Variants in MTUS1 observed in about 807,000 individuals in gnomAD.
MTUS1 encodes microtubule-associated tumor suppressor 1.
Under a neutral mutation model 120.8 loss-of-function variants are expected in MTUS1, and 109 were observed. The ratio of observed to expected loss-of-function variants is 0.90; its 90% confidence interval spans 0.77 to 1.06. The LOEUF (loss-of-function observed/expected upper bound fraction) is 1.06, where lower values mean the gene tolerates loss of function less well. Ranked by LOEUF, MTUS1 falls within the 50% of genes least tolerant of loss-of-function variation. MTUS1 has a pLI of 0.00. For missense variants in MTUS1, 2,210 were observed against 1,486.3 expected, an observed-to-expected ratio of 1.49 and a Z score of -8.01; for synonymous variants, 737 against 550.5, an observed-to-expected ratio of 1.34 and a Z score of -4.74.
At position 17,721,508 on chromosome 8, in the gene MTUS1, G is replaced by C. The variant is rs443360; in HGVS notation, c.2449+2164C>G. ...ACGATGCTGCTGAATTATATTAAGA[G>C]TGCAAAACACATAAAAGAGACAACA... is the stretch of plus-strand genomic sequence containing the variant. On this transcript the variant is annotated intron_variant, in intron 4 of 14. Coordinates refer to ENST00000693296, the MANE Select transcript of MTUS1 (RefSeq NM_001363059.2). Among the ~76,000 whole-genome samples the C allele has an allele frequency of 1.2e-3, 179 of 152,202 alleles. 1 individual carries two copies. The highest frequency in any genetic ancestry group is 4.1e-3 in the African/African-American group (169 of 41,516).
chr8:17,758,519 T>C (rs548672594), intron 1 of MTUS1, among the ~76,000 whole-genome samples: 52 of 152,358 alleles, frequency 3.4e-4, no homozygotes, highest in African/African-American at 1.3e-3. Flanking sequence ...TTATGAAACA[T>C]AAATTAACAT....
At chr8:17,694,642 TA>T (rs1817608434) in intron 6 of MTUS1, among the ~76,000 whole-genome samples, 2 of 152,064 alleles carry the variant, frequency 1.3e-5, no homozygotes, top group South Asian at 2.1e-4. Flanking sequence ...CACTCCAGCC[TA>T]GGCAACAGAG....
At chr8:17,715,318 A>G (rs957109826) in intron 5 of MTUS1, among the ~76,000 whole-genome samples, 2 of 152,144 alleles carry the variant, frequency 1.3e-5, no homozygotes, top group Admixed American at 1.3e-4. Context: ...TTTCATAATC[A>G]CAGCAAATAA....
chr8:17,774,594 G>A (rs28602788), intron 1 of MTUS1, among the ~76,000 whole-genome samples: 7,840 of 152,196 alleles, frequency 0.052, 350 homozygotes, highest in African/African-American at 0.13. Flanking sequence ...TGATCAAAAT[G>A]CTGGTGAGGA....
chr8:17,716,578 G>A (rs564453324), intron 4 of MTUS1: 25 of 161,436 alleles, frequency 1.5e-4, no homozygotes, highest in Admixed American at 1.5e-3. Flanking sequence ...GTTTTGAGAC[G>A]GAGTCTCACT....
intron 3 of MTUS1, among the ~76,000 whole-genome samples, chr8:17,728,888 G>A (rs1490660438): frequency 6.6e-6 from 1 of 152,132 alleles, no homozygotes; most frequent in East Asian, 1.9e-4. Context: ...GAAAAAGATA[G>A]GAAGCTAGTG....
intron 1 of MTUS1, chr8:17,800,747 GC>G (rs1423556830): frequency 6.6e-6 from 1 of 152,366 alleles, no homozygotes; most frequent in East Asian, 1.9e-4. Context: ...AAGGGGCCCT[GC>G]GAGAAGGCTG....
chr8:17,653,026 T>G (rs1490015793), intron 12 of MTUS1, among the ~76,000 whole-genome samples, 160 bp downstream of exon 12: 1 of 152,186 alleles, frequency 6.6e-6, no homozygotes, highest in Non-Finnish European at 1.5e-5. Context: ...AAGACGCCAG[T>G]AAGCAAAGCA....
chr8:17,772,676 T>A (rs1377299599), intron 1 of MTUS1, among the ~76,000 whole-genome samples: 1 of 152,192 alleles, frequency 6.6e-6, no homozygotes, highest in Admixed American at 6.5e-5. Context: ...ACAAAGTATG[T>A]TCAACTTCTT....
chr8:17,695,238 C>T (rs1162168813), intron 6 of MTUS1, among the ~76,000 whole-genome samples: 1 of 152,208 alleles, frequency 6.6e-6, no homozygotes. Flanking sequence ...AAGCCTCCAA[C>T]ACACAAAACG....
At chr8:17,697,555 C>G (rs577724736) in intron 6 of MTUS1, 3 of 1,373,900 alleles carry the variant, frequency 2.2e-6, no homozygotes, top group Admixed American at 6.3e-5. Flanking sequence ...CCAGGGCTGG[C>G]CAAGTGTTTC....
At chr8:17,650,332 C>G (rs1418897909) in intron 12 of MTUS1, among the ~76,000 whole-genome samples, 1 of 152,144 alleles carries the variant, frequency 6.6e-6, no homozygotes, top group East Asian at 1.9e-4. Flanking sequence ...CAGTTCTCTC[C>G]TACCAAACAA....
In MTUS1 at chr8:17,644,686, AT is replaced by A. The variant is rs1462819245; in HGVS notation, c.*1239del. ...GTTTTCTTCTATCAAGTACTGCATC[AT>A]CGGTAAGCACTGAATCCTACCTTTC... On this transcript the variant is annotated 3_prime_UTR_variant, in exon 15 of 15. Transcript: ENST00000693296. 2 of 152,232 alleles carry A rather than the reference AT, an allele frequency of 1.3e-5. No individual in the cohort carries two copies. Among genetic ancestry groups the A allele is most frequent in the Non-Finnish European group, 2.9e-5 (2 of 68,044 alleles). 9.4% of individuals were successfully genotyped at this position (152,232 alleles called of 1,614,324 possible).
At chr8:17,704,993 A>AT (rs36043940) in intron 6 of MTUS1, among the ~76,000 whole-genome samples, 4 of 151,462 alleles carry the variant, frequency 2.6e-5, no homozygotes, top group Admixed American at 1.3e-4. Context: ...TATTCTTTTT[A>AT]TTTTTTTTGA....
chr8:17,718,248 G>A (rs576122750), intron 4 of MTUS1, among the ~76,000 whole-genome samples: 31 of 152,258 alleles, frequency 2.0e-4, no homozygotes, highest in African/African-American at 7.0e-4. Context: ...GTATCCTGAT[G>A]CTATCTAAAT....
chr8:17,715,179 T>G (rs1023375213), intron 5 of MTUS1, among the ~76,000 whole-genome samples: 5 of 152,194 alleles, frequency 3.3e-5, no homozygotes, highest in Middle Eastern at 3.4e-3. Context: ...GTGCTGGGAT[T>G]ACAGGCGTGA....
intron 2 of MTUS1, 28 bp downstream of exon 2, chr8:17,753,689 A>G (rs757289637): frequency 3.4e-6 from 5 of 1,454,018 alleles, no homozygotes; most frequent in African/African-American, 2.9e-5. Flanking sequence ...TCTCTGAAGC[A>G]TGCAAAAAAT....
intron 6 of MTUS1, among the ~76,000 whole-genome samples, chr8:17,706,678 C>T (rs1335603687): frequency 6.6e-6 from 1 of 152,128 alleles, no homozygotes; most frequent in Non-Finnish European, 1.5e-5. Flanking sequence ...CCTGATACTA[C>T]TTTTAATAAT....
At chr8:17,657,659 T>TA (rs60180794) in intron 8 of MTUS1, among the ~76,000 whole-genome samples, 114,921 of 136,232 alleles carry the variant, frequency 0.84, 48,669 homozygotes, top group East Asian at 0.93. Context: ...CTCTTAAAAT[T>TA]AAAAAAAAAA....
Sources: allele counts gnomAD v4.1 joint callset (sites outside exome capture counted in the v4.1 genomes callset), GRCh38; gene constraint gnomAD v4.1.1; transcripts MANE v1.5; gene names NCBI Gene and HGNC (gene_info 2026-07-23, HGNC 2026-07-21).